Variants in SYTL3 observed in about 807,000 individuals in gnomAD.
The protein encoded by SYTL3 is synaptotagmin like 3.
A neutral mutation model predicts 82.1 loss-of-function variants in SYTL3; 88 were observed. That is an observed-to-expected ratio of 1.07 (90% CI 0.90 to 1.28). SYTL3 has a LOEUF of 1.28. Among genes scored for constraint, SYTL3 ranks in the 50% most tolerant of loss-of-function variants. The pLI, the probability that SYTL3 is intolerant of heterozygous loss-of-function variation, is 0.00. For synonymous variants in SYTL3, 311 were observed against 289.4 expected, an observed-to-expected ratio of 1.07 and a Z score of -0.76; for missense variants, 831 against 757.6, an observed-to-expected ratio of 1.10 and a Z score of -1.14.
intron 11 of SYTL3, among the ~76,000 whole-genome samples, chr6:158,737,039 C>CAAAAAAA (rs201499466): frequency 7.9e-5 from 9 of 113,854 alleles, no homozygotes; most frequent in African/African-American, 2.8e-4. Context: ...CATTTCATGG[C>CAAAAAAA]AAAAAAAAAA....
intron 16 of SYTL3, among the ~76,000 whole-genome samples, chr6:158,762,675 G>C (rs1006233878): frequency 1.8e-4 from 28 of 152,162 alleles, no homozygotes; most frequent in Non-Finnish European, 4.0e-4. Context: ...CCAGCACTTT[G>C]GGAGGCTGAG....
In SYTL3 at chr6:158,663,014, C is replaced by A. The variant is rs921657000; in HGVS notation, c.-255C>A. On this transcript the variant is annotated 5_prime_UTR_variant, in exon 4 of 18. Coordinates refer to ENST00000611299, the MANE Select transcript of SYTL3 (RefSeq NM_001242394.2). ...GCTGCAGAACCCGGTGAAAACACCC[C>A]CCGGGTAGCACGAGGCTCTGCGAGC... is the stretch of plus-strand genomic sequence containing the variant. 5.4e-6 allele frequency: 2 copies of A among 367,270 alleles called. No homozygotes were observed. Among genetic ancestry groups the A allele is most frequent in the Non-Finnish European group, 9.9e-6 (2 of 202,530 alleles). The allele number at this position is 367,270 out of a possible 1,614,324, so 22.8% of individuals were successfully genotyped here. A position where few individuals can be genotyped will look rare whatever the true frequency, so the allele number is the denominator to read the frequency against.
At chr6:158,722,193 C>CT (rs1784194360) in intron 10 of SYTL3, among the ~76,000 whole-genome samples, 1 of 151,764 alleles carries the variant, frequency 6.6e-6, no homozygotes, top group Non-Finnish European at 1.5e-5. Context: ...CAGGGTCTTA[C>CT]TTTGTCACCC....
At position 158,744,392 on chromosome 6, in the gene SYTL3, C is replaced by T. The variant is rs180861040; in HGVS notation, c.856-1088C>T. On this transcript the variant is annotated intron_variant, in intron 11 of 17. Coordinates refer to ENST00000611299, the MANE Select transcript of SYTL3 (RefSeq NM_001242394.2). ...GGCACTTTCCACTCACTGCAAGCTC[C>T]GCCTCCTGGGTTCACGCCATTCTCC... Among the ~76,000 whole-genome samples, 269 of 150,074 alleles carry T rather than the reference C, an allele frequency of 1.8e-3. 1 individual carries two copies. Among genetic ancestry groups the T allele is most frequent in the African/African-American group, 5.7e-3 (234 of 40,820 alleles).
chr6:158,719,033 C>T (rs772444423), intron 10 of SYTL3, among the ~76,000 whole-genome samples: 6 of 152,004 alleles, frequency 3.9e-5, no homozygotes, highest in African/African-American at 7.3e-5. Context: ...TCCTGCCTCC[C>T]GCTCCAGCCC....
intron 9 of SYTL3, among the ~76,000 whole-genome samples, chr6:158,714,531 A>C (rs1241904585): frequency 2.0e-5 from 3 of 152,212 alleles, no homozygotes; most frequent in African/African-American, 7.2e-5. Flanking sequence ...TTGCAGATGC[A>C]TGTAACCTAG....
At position 158,656,648 on chromosome 6, in the gene SYTL3, C is replaced by T. The variant is rs548422268; in HGVS notation, c.-636-4621C>T. Among the ~76,000 whole-genome samples, 20 of 152,126 alleles carry T rather than the reference C, an allele frequency of 1.3e-4. 1 individual carries two copies. The South Asian group carries it at 4.2e-3, about 32-fold the overall frequency. On this transcript the variant is annotated intron_variant, in intron 2 of 17. Transcript: ENST00000611299. Reference sequence around the variant, plus strand: ...GCTGAGGCAGGAGAATGGCGTAAACCCGGGAGGTGGAGCTTGCAGTGAGTG... The same window carrying T: ...GCTGAGGCAGGAGAATGGCGTAAACTCGGGAGGTGGAGCTTGCAGTGAGTG...
rs557884977 is a variant in SYTL3, at chr6:158,684,134, C to T, written c.394+1145C>T. Among the ~76,000 whole-genome samples, 6 of 152,118 alleles carry T rather than the reference C, an allele frequency of 3.9e-5. No individual in the cohort carries two copies. In the South Asian group the frequency reaches 1.2e-3, roughly 31 times the overall value. On this transcript the variant is annotated intron_variant, in intron 6 of 17. Coordinates refer to ENST00000611299, the MANE Select transcript of SYTL3 (RefSeq NM_001242394.2). Reference sequence around the variant, plus strand: ...TATTCATGATTCATGATTGGCTATCCATTGCTGAGCTATAGGCTGTGGGTG... The same window carrying T: ...TATTCATGATTCATGATTGGCTATCTATTGCTGAGCTATAGGCTGTGGGTG...
Position 158,692,432 on chromosome 6 carries a change from C to T in SYTL3, c.394+9443C>T, listed in dbSNP as rs80070778. Reference sequence around the variant, plus strand: ...TCTCAATGATTCATCATGTAACTAACCAGGTTAATTATTGTATCTTATAAT... The same window carrying T: ...TCTCAATGATTCATCATGTAACTAATCAGGTTAATTATTGTATCTTATAAT... On this transcript the variant is annotated intron_variant, in intron 6 of 17. Coordinates refer to ENST00000611299, the MANE Select transcript of SYTL3 (RefSeq NM_001242394.2). Among the ~76,000 whole-genome samples the T allele has an allele frequency of 5.1e-3, 778 of 152,040 alleles. 8 individuals carry two copies. The highest frequency in any genetic ancestry group is 0.018 in the African/African-American group (741 of 41,472).
At chr6:158,691,957 A>G (rs1469839856) in intron 6 of SYTL3, among the ~76,000 whole-genome samples, 1 of 145,626 alleles carries the variant, frequency 6.9e-6, no homozygotes, top group Non-Finnish European at 1.5e-5. Flanking sequence ...GGCCAATATT[A>G]AACTTTCTTA....
At chr6:158,715,639 A>ACCCCCCC (rs71030193) in intron 9 of SYTL3, among the ~76,000 whole-genome samples, 1 of 92,994 alleles carries the variant, frequency 1.1e-5, no homozygotes, top group African/African-American at 4.7e-5. Flanking sequence ...CACCCCCCAT[A>ACCCCCCC]CCCCCCCACC....
chr6:158,667,995 C>G (rs1790286638), intron 5 of SYTL3, among the ~76,000 whole-genome samples: 1 of 152,142 alleles, frequency 6.6e-6, no homozygotes, highest in South Asian at 2.1e-4. Context: ...TTGGAATAGT[C>G]TTTTAATGTT....
Position 158,716,187 on chromosome 6 carries a change from G to A in SYTL3, c.596-1900G>A, listed in dbSNP as rs79008707. 5.7e-3 allele frequency among the ~76,000 whole-genome samples: 871 copies of A among 152,328 alleles called. 9 individuals carry two copies. The highest frequency in any genetic ancestry group is 0.02 in the African/African-American group (825 of 41,580). On this transcript the variant is annotated intron_variant, in intron 9 of 17. Coordinates refer to ENST00000611299, the MANE Select transcript of SYTL3 (RefSeq NM_001242394.2). Reference sequence around the variant, plus strand: ...CTGTAGTCCCCCTTAGAAAGGGGAAGAGGAAATGAGAAAACTGGTCTTGCC... The same window carrying A: ...CTGTAGTCCCCCTTAGAAAGGGGAAAAGGAAATGAGAAAACTGGTCTTGCC...
chr6:158,764,395 G>A (rs7775997), intron 17 of SYTL3, 100 bp from the exon 18 acceptor site: 361,350 of 830,430 alleles, frequency 0.44, 83,107 homozygotes, highest in Non-Finnish European at 0.49. Context: ...ATGTGGACTT[G>A]AGGTGAAAAA....
chr6:158,743,786 A>G (rs1264845525), intron 11 of SYTL3, among the ~76,000 whole-genome samples: 4 of 151,532 alleles, frequency 2.6e-5, no homozygotes, highest in African/African-American at 9.7e-5. Flanking sequence ...ATTGTTTTCC[A>G]TTTTAACAGT....
intron 6 of SYTL3, among the ~76,000 whole-genome samples, chr6:158,693,552 C>G (rs1038965983): frequency 6.6e-6 from 1 of 152,062 alleles, no homozygotes; most frequent in African/African-American, 2.4e-5. Flanking sequence ...ACCCAGCTGA[C>G]TTTTGCATTT....
At chr6:158,684,810 TA>T (rs370131896) in intron 6 of SYTL3, among the ~76,000 whole-genome samples, 27,319 of 125,352 alleles carry the variant, frequency 0.22, 2,576 homozygotes, top group South Asian at 0.39. Flanking sequence ...TGGCTCTTCT[TA>T]AAAAAAAAAA....
chr6:158,668,184 C>G (rs529773928), intron 5 of SYTL3, among the ~76,000 whole-genome samples: 1 of 152,042 alleles, frequency 6.6e-6, no homozygotes, highest in Non-Finnish European at 1.5e-5. Context: ...ATCTCCAGTC[C>G]TCTCCCGCCT....
intron 10 of SYTL3, among the ~76,000 whole-genome samples, chr6:158,718,733 A>G (rs1434855061): frequency 6.6e-6 from 1 of 152,222 alleles, no homozygotes; most frequent in East Asian, 1.9e-4. Flanking sequence ...CCTTCCCACC[A>G]GGACTAACCC....
Sources: allele counts gnomAD v4.1 joint callset (sites outside exome capture counted in the v4.1 genomes callset), GRCh38; gene constraint gnomAD v4.1.1; transcripts MANE v1.5; gene names NCBI Gene and HGNC (gene_info 2026-07-23, HGNC 2026-07-21).